ABAT: variants seen among roughly 807,000 people sequenced by gnomAD.
ABAT encodes 4-aminobutyrate aminotransferase, also known as 4-aminobutyrate aminotransferase, mitochondrial.
In ABAT, 45 loss-of-function variants were observed where a neutral mutation model predicts 64.6. The observed-to-expected ratio is 0.70, with a 90% CI of 0.55 to 0.89. ABAT has a LOEUF of 0.89. Ranked by LOEUF, ABAT falls within the 40% of genes least tolerant of loss-of-function variation. The pLI, the probability that ABAT is intolerant of heterozygous loss-of-function variation, is 0.00. For synonymous variants in ABAT, 297 were observed against 250.5 expected (o/e 1.19, Z -1.75); for missense variants, 633 against 658.4 (o/e 0.96, Z 0.42).
chr16:8,750,709 G>T (rs1410941769), intron 5 of ABAT, among the ~76,000 whole-genome samples, 170 bp downstream of exon 5: 1 of 152,122 alleles, frequency 6.6e-6, no homozygotes, highest in East Asian at 1.9e-4. Flanking sequence ...TATATTATTA[G>T]ACATATTATA....
At chr16:8,713,917 T>C in intron 1 of ABAT, 1 of 456,118 alleles carries the variant, frequency 2.2e-6, no homozygotes, top group Non-Finnish European at 4.4e-6. Flanking sequence ...CATGTGTATG[T>C]ATTTGCTGCC....
chr16:8,710,684 G>GAA (rs946279060), intron 1 of ABAT, among the ~76,000 whole-genome samples: 2 of 79,428 alleles, frequency 2.5e-5, no homozygotes, highest in African/African-American at 4.6e-5. Flanking sequence ...AGGCTGCACT[G>GAA]AGAGAGAGAC....
At position 8,761,218 on chromosome 16, in the gene ABAT, C is replaced by CCG. The variant is rs1567308621; in HGVS notation, c.367-2850_367-2849insGC. Among the ~76,000 whole-genome samples, 9 of 144,950 alleles carry CCG rather than the reference C, an allele frequency of 6.2e-5. No homozygotes were observed. The East Asian group carries it at 7.0e-4, about 11-fold the overall frequency. ...CCCATCACCTTTCACCTCTCTCTGC[C>CCG]CTCTCACCTCGTCAGGGACTGGTCC... On this transcript the variant is annotated intron_variant, in intron 6 of 15. Transcript: ENST00000268251.
At chr16:8,713,989 C>T (rs956711603) in intron 1 of ABAT, 6 of 441,200 alleles carry the variant, frequency 1.4e-5, no homozygotes, top group African/African-American at 6.0e-5. Flanking sequence ...GTGTGCAGGT[C>T]GGGGGGGCAC....
chr16:8,744,737 A>C (rs549051575), intron 2 of ABAT, among the ~76,000 whole-genome samples: 20 of 151,480 alleles, frequency 1.3e-4, no homozygotes, highest in Admixed American at 6.6e-4. Flanking sequence ...GTGTAGTGGT[A>C]GGCACCTGTA....
chr16:8,764,872 C>T lies in ABAT; in HGVS notation c.540+42C>T. The T allele has an allele frequency of 2.0e-6, 3 of 1,513,360 alleles. No homozygotes were observed. Among genetic ancestry groups the T allele is most frequent in the African/African-American group, 2.7e-5 (2 of 72,758 alleles). 93.7% of individuals were successfully genotyped at this position (1,513,360 alleles called of 1,614,324 possible). ...ACACACACACACACACACAGGCTCC[C>T]CAGCACCCAGCCACACGCTCACCCC... On this transcript the variant is annotated intron_variant, in intron 8 of 15. Transcript: ENST00000268251. The surrounding 1 kb of genome is among the most constrained non-coding windows in gnomAD (Gnocchi z 4.2).
chr16:8,744,892 C>T (rs1211495055), intron 2 of ABAT, among the ~76,000 whole-genome samples: 6 of 152,108 alleles, frequency 3.9e-5, no homozygotes, highest in Non-Finnish European at 8.8e-5. Flanking sequence ...AACCTCAAAA[C>T]AATTAATGGG....
At chr16:8,690,479 T>C (rs2057554381) in intron 1 of ABAT, among the ~76,000 whole-genome samples, 1 of 152,198 alleles carries the variant, frequency 6.6e-6, no homozygotes, top group Admixed American at 6.5e-5. Flanking sequence ...TTTTTCTACA[T>C]TTTTTGTGGT....
intron 2 of ABAT, among the ~76,000 whole-genome samples, chr16:8,741,682 T>G (rs974437755): frequency 6.6e-6 from 1 of 152,240 alleles, no homozygotes; most frequent in African/African-American, 2.4e-5. Flanking sequence ...TGTATTGTTA[T>G]ATGTCATCAT....
intron 1 of ABAT, among the ~76,000 whole-genome samples, chr16:8,703,079 G>A (rs903802893): frequency 4.0e-5 from 6 of 151,752 alleles, no homozygotes; most frequent in Admixed American, 3.3e-4. Flanking sequence ...TTGTTTTTAC[G>A]GGTACCTTGT....
At chr16:8,725,589 A>C (rs1028680676) in intron 1 of ABAT, among the ~76,000 whole-genome samples, 1 of 152,228 alleles carries the variant, frequency 6.6e-6, no homozygotes, top group South Asian at 2.1e-4. Context: ...CGTTGTAAGG[A>C]TAGACCATGT....
chr16:8,722,924 G>A, intron 1 of ABAT: 1 of 1,216,624 alleles, frequency 8.2e-7, no homozygotes, highest in Non-Finnish European at 1.1e-6. Context: ...GTGTTTCTTA[G>A]AGTCCGAACG....
In ABAT at chr16:8,737,785, G is replaced by T. The variant is rs185505342; in HGVS notation, c.70+1976G>T. 6.1e-3 allele frequency among the ~76,000 whole-genome samples: 914 copies of T among 149,360 alleles called. 4 individuals carry two copies. The highest frequency in any genetic ancestry group is 0.039 in the Middle Eastern group (11 of 284). On this transcript the variant is annotated intron_variant, in intron 2 of 15. Transcript: ENST00000268251. ...TAAAAATACAAAAAAAAAATTAGCCGGGTGTGGTGGCAGGCACCTGTAATC... is the reference window on the plus strand; with the variant it reads ...TAAAAATACAAAAAAAAAATTAGCCTGGTGTGGTGGCAGGCACCTGTAATC...
chr16:8,732,595 A>G (rs1255357685), intron 1 of ABAT, among the ~76,000 whole-genome samples: 1 of 151,706 alleles, frequency 6.6e-6, no homozygotes, highest in African/African-American at 2.4e-5. Context: ...GCACAGAACA[A>G]AATGAAAAGT....
chr16:8,759,853 CA>C (rs1329803654), intron 6 of ABAT, among the ~76,000 whole-genome samples: 3 of 152,108 alleles, frequency 2.0e-5, no homozygotes, highest in Non-Finnish European at 4.4e-5. Context: ...TGTATTTCTC[CA>C]GTTCTTTATT....
At position 8,722,870 on chromosome 16, in the gene ABAT, G is replaced by A. The variant is rs749825934; in HGVS notation, c.-41-12829G>A. 4 of 1,288,932 alleles carry A rather than the reference G, an allele frequency of 3.1e-6. No homozygotes were observed. The South Asian group carries it at 4.9e-5, about 16-fold the overall frequency. The allele number at this position is 1,288,932 out of a possible 1,614,324, so 79.8% of individuals were successfully genotyped here. On this transcript the variant is annotated intron_variant, in intron 1 of 15. Transcript: ENST00000268251. ...AGGAGCAAGGCTTGGGGAAAATGCT[G>A]TGGCAAATTCTCAGTAATATGGAAC...
At chr16:8,768,358 C>T (rs1352593904) in intron 10 of ABAT, 102 bp downstream of exon 10, 2 of 1,084,396 alleles carry the variant, frequency 1.8e-6, no homozygotes, top group African/African-American at 4.4e-5. Context: ...TATTGTCCCA[C>T]TGATTGCACA....
At chr16:8,729,035 G>A (rs915288344) in intron 1 of ABAT, among the ~76,000 whole-genome samples, 3 of 152,048 alleles carry the variant, frequency 2.0e-5, no homozygotes, top group South Asian at 2.1e-4. Context: ...GGCCGGGCAC[G>A]GTGGCTCACG....
chr16:8,771,958 C>A (rs2142992622), intron 11 of ABAT, among the ~76,000 whole-genome samples: 1 of 152,004 alleles, frequency 6.6e-6, no homozygotes, highest in Non-Finnish European at 1.5e-5. Context: ...CAGACATGAA[C>A]CGCGCTATGT....
Sources: allele counts gnomAD v4.1 joint callset (sites outside exome capture counted in the v4.1 genomes callset), GRCh38; gene constraint gnomAD v4.1.1; non-coding constraint Gnocchi (gnomAD v3.1); transcripts MANE v1.5; gene names NCBI Gene and HGNC (gene_info 2026-07-23, HGNC 2026-07-21).